STON2: variants seen among roughly 807,000 people sequenced by gnomAD.
STON2 encodes stonin 2.
Under a neutral mutation model 65.7 loss-of-function variants are expected in STON2, and 29 were observed. That is an observed-to-expected ratio of 0.44 (90% CI 0.33 to 0.60). The LOEUF is 0.60. Among genes scored for constraint, STON2 ranks in the 20% least tolerant of loss-of-function variants. The pLI is 0.03. For missense variants in STON2, 1,054 were observed against 1,118.1 expected, an observed-to-expected ratio of 0.94 and a Z score of 0.82; for synonymous variants, 404 against 414.2, an observed-to-expected ratio of 0.98 and a Z score of 0.30.
At chr14:81,356,577 G>T (rs1326142311) in intron 4 of STON2, among the ~76,000 whole-genome samples, 1 of 152,196 alleles carries the variant, frequency 6.6e-6, no homozygotes, top group Non-Finnish European at 1.5e-5. Context: ...AGTTTCAGAA[G>T]AAATGGTACC....
At position 81,265,631 on chromosome 14, in the gene STON2, G is replaced by C; in HGVS notation, c.*2783C>G. ...TTGCACTCCAGCCTGGGCGACAAGAGCGAAACTTTGTCTCAGTAATAATAA... is the reference window on the plus strand; with the variant it reads ...TTGCACTCCAGCCTGGGCGACAAGACCGAAACTTTGTCTCAGTAATAATAA... On this transcript the variant is annotated 3_prime_UTR_variant, in exon 8 of 8. Transcript: ENST00000614646. The C allele has an allele frequency of 3.0e-6, 1 of 337,538 alleles. No homozygotes were observed. The highest frequency in any genetic ancestry group is 4.0e-6 in the Non-Finnish European group (1 of 250,162). The allele number at this position is 337,538 out of a possible 1,614,324, so 20.9% of individuals were successfully genotyped here.
At chr14:81,281,601 C>G (rs1895122794) in intron 5 of STON2, among the ~76,000 whole-genome samples, 1 of 152,134 alleles carries the variant, frequency 6.6e-6, no homozygotes, top group African/African-American at 2.4e-5. Flanking sequence ...TTTACACTTG[C>G]CACCAAAGGA....
chr14:81,313,390 A>C (rs1896501162), intron 5 of STON2, among the ~76,000 whole-genome samples: 2 of 152,124 alleles, frequency 1.3e-5, no homozygotes, highest in South Asian at 4.1e-4. Context: ...TCGTTTAGTG[A>C]ATGTTTACTG....
chr14:81,295,546 C>A (rs1056763514), intron 5 of STON2, among the ~76,000 whole-genome samples: 2 of 152,176 alleles, frequency 1.3e-5, no homozygotes, highest in African/African-American at 2.4e-5. Context: ...CAAGTAACCA[C>A]AGAATAGGGG....
At chr14:81,431,513 TCACGC>T (rs554617622) in intron 1 of STON2, among the ~76,000 whole-genome samples, 11 of 152,148 alleles carry the variant, frequency 7.2e-5, no homozygotes, top group Admixed American at 5.2e-4. Context: ...GCACGGTGGC[TCACGC>T]CTGTGATCCC....
intron 4 of STON2, among the ~76,000 whole-genome samples, chr14:81,329,938 C>T (rs1235957086): frequency 1.3e-5 from 2 of 152,190 alleles, no homozygotes; most frequent in Non-Finnish European, 2.9e-5. Context: ...CTTGTTGGCA[C>T]TGATATGTTA....
chr14:81,415,507 TAAAAATACA>T (rs1181081452), intron 2 of STON2, among the ~76,000 whole-genome samples: 4 of 151,732 alleles, frequency 2.6e-5, no homozygotes, highest in African/African-American at 7.3e-5. Context: ...GATATAACAC[TAAAAATACA>T]AAAATTAGAT....
chr14:81,377,171 C>G (rs1899292143), intron 3 of STON2, among the ~76,000 whole-genome samples: 1 of 152,190 alleles, frequency 6.6e-6, no homozygotes, highest in African/African-American at 2.4e-5. Flanking sequence ...GCCTCCATCT[C>G]CATACTCTGT....
chr14:81,375,037 C>T (rs905065594), intron 3 of STON2, among the ~76,000 whole-genome samples: 1 of 152,106 alleles, frequency 6.6e-6, no homozygotes, highest in Non-Finnish European at 1.5e-5. Context: ...CCACCTCTTT[C>T]CAGAGCAGGA....
At chr14:81,353,283 T>G (rs1898094764) in intron 4 of STON2, among the ~76,000 whole-genome samples, 1 of 152,194 alleles carries the variant, frequency 6.6e-6, no homozygotes, top group Non-Finnish European at 1.5e-5. Flanking sequence ...GAAAATACAT[T>G]TCAGTGAGCA....
At chr14:81,285,575 C>T (rs1895300458) in intron 5 of STON2, among the ~76,000 whole-genome samples, 1 of 152,220 alleles carries the variant, frequency 6.6e-6, no homozygotes, top group South Asian at 2.1e-4. Context: ...TGATCCACTG[C>T]ACTCGGCCTC....
chr14:81,360,617 G>A (rs1029478382), intron 4 of STON2, among the ~76,000 whole-genome samples: 4 of 152,140 alleles, frequency 2.6e-5, no homozygotes, highest in African/African-American at 9.7e-5. Flanking sequence ...CCTAGAACAA[G>A]ACAAGGATGC....
At chr14:81,393,390 G>A (rs1208332070) in intron 3 of STON2, among the ~76,000 whole-genome samples, 1 of 152,068 alleles carries the variant, frequency 6.6e-6, no homozygotes, top group African/African-American at 2.4e-5. Flanking sequence ...GGTAATGAGG[G>A]AGCAGAGGAT....
At chr14:81,373,523 C>G (rs1286016607) in intron 3 of STON2, among the ~76,000 whole-genome samples, 1 of 152,096 alleles carries the variant, frequency 6.6e-6, no homozygotes, top group Non-Finnish European at 1.5e-5. Context: ...TAAAATGCAT[C>G]ACACGGTGAG....
intron 3 of STON2, chr14:81,395,416 AT>A: frequency 6.5e-6 from 1 of 153,440 alleles, no homozygotes; most frequent in Non-Finnish European, 1.4e-5. Context: ...TAATTTTTGT[AT>A]TTTTGGCAGA....
intron 2 of STON2, chr14:81,412,987 C>A: frequency 1.9e-6 from 2 of 1,070,778 alleles, no homozygotes; most frequent in Non-Finnish European, 2.8e-6. Flanking sequence ...ACCAAAAGGC[C>A]GTGATCAAAA....
intron 2 of STON2, among the ~76,000 whole-genome samples, chr14:81,397,907 T>C (rs1307134127): frequency 6.6e-6 from 1 of 152,160 alleles, no homozygotes; most frequent in Non-Finnish European, 1.5e-5. Flanking sequence ...CCCAAAAGCA[T>C]ATCACTCATC....
At chr14:81,336,029 G>A (rs1462858397) in intron 4 of STON2, among the ~76,000 whole-genome samples, 1 of 152,092 alleles carries the variant, frequency 6.6e-6, no homozygotes, top group Non-Finnish European at 1.5e-5. Context: ...GGGTATGGCA[G>A]AAGGTCAAGC....
At chr14:81,318,644 AGTT>A (rs1454474498) in intron 5 of STON2, among the ~76,000 whole-genome samples, 5 of 152,194 alleles carry the variant, frequency 3.3e-5, no homozygotes, top group African/African-American at 1.2e-4. Flanking sequence ...TGAGGTCAGG[AGTT>A]TGAGACCAGC....
Sources: allele counts gnomAD v4.1 joint callset (sites outside exome capture counted in the v4.1 genomes callset), GRCh38; gene constraint gnomAD v4.1.1; transcripts MANE v1.5; gene names NCBI Gene and HGNC (gene_info 2026-07-23, HGNC 2026-07-21).